TSHZ3: variants seen among roughly 807,000 people sequenced by gnomAD.
The protein encoded by TSHZ3 is teashirt homolog 3.
TSHZ3 carries 10 observed loss-of-function variants against 64.5 expected under a neutral mutation model. The observed-to-expected ratio is 0.16, with a 90% CI of 0.10 to 0.26. TSHZ3 has a LOEUF of 0.26. Ranked by LOEUF, TSHZ3 falls within the 10% of genes least tolerant of loss-of-function variation. The pLI, the probability that TSHZ3 is intolerant of heterozygous loss-of-function variation, is 1.00. For synonymous variants in TSHZ3, 608 were observed against 593.1 expected, an observed-to-expected ratio of 1.03 and a Z score of -0.36; for missense variants, 1,242 against 1,421.7, an observed-to-expected ratio of 0.87 and a Z score of 2.03.
At chr19:31,205,584 C>T (rs1050225134) in intron 4 of TSHZ3, among the ~76,000 whole-genome samples, 3 of 152,200 alleles carry the variant, frequency 2.0e-5, no homozygotes, top group African/African-American at 4.8e-5. Context: ...GGGCTGAGCC[C>T]GCTTCACCAG....
In TSHZ3 at chr19:31,339,264, G is replaced by T. The variant is rs1482235206; in HGVS notation, c.40+9916C>A. On this transcript the variant is annotated intron_variant, in intron 1 of 1. Coordinates refer to ENST00000240587, the MANE Select transcript of TSHZ3 (RefSeq NM_020856.4). ...GGGAAAAGAGAAAAGGAATGAGAAAGGGGGGAAAAAAAGTCAGAAGAGTGT... is the reference window on the plus strand; with the variant it reads ...GGGAAAAGAGAAAAGGAATGAGAAATGGGGGAAAAAAAGTCAGAAGAGTGT... Among the ~76,000 whole-genome samples, 3 of 151,866 alleles carry T rather than the reference G, an allele frequency of 2.0e-5. No homozygotes were observed. In the East Asian group the frequency reaches 5.8e-4, roughly 29 times the overall value.
chr19:31,180,755 A>G (rs1974699829), intron 5 of TSHZ3, among the ~76,000 whole-genome samples: 1 of 152,200 alleles, frequency 6.6e-6, no homozygotes, highest in Admixed American at 6.5e-5. Flanking sequence ...ACGCTTTGAC[A>G]GGATTTCTGT....
intron 1 of TSHZ3, among the ~76,000 whole-genome samples, chr19:31,325,907 T>A (rs1436378642): frequency 1.3e-5 from 2 of 152,210 alleles, no homozygotes; most frequent in African/African-American, 2.4e-5. Context: ...TATAAGATGA[T>A]GACTGAGATA....
At chr19:31,152,102 T>C (rs1475199006) in intron 6 of TSHZ3, among the ~76,000 whole-genome samples, 1 of 151,982 alleles carries the variant, frequency 6.6e-6, no homozygotes, top group Non-Finnish European at 1.5e-5. Flanking sequence ...CACTAGACAG[T>C]TCTACAGATG....
chr19:31,169,261 G>A (rs1449097573), intron 5 of TSHZ3, among the ~76,000 whole-genome samples: 1 of 152,204 alleles, frequency 6.6e-6, no homozygotes, highest in East Asian at 1.9e-4. Flanking sequence ...ATAACCATAT[G>A]ACCCAGCAAC....
intron 5 of TSHZ3, among the ~76,000 whole-genome samples, chr19:31,158,328 A>G (rs192506564): frequency 6.6e-6 from 1 of 152,330 alleles, no homozygotes; most frequent in Non-Finnish European, 1.5e-5. Flanking sequence ...GGTTAAAATG[A>G]TCATGTTTGG....
chr19:31,315,507 G>GC (rs1916575249), intron 1 of TSHZ3, among the ~76,000 whole-genome samples: 2 of 152,348 alleles, frequency 1.3e-5, no homozygotes, highest in South Asian at 4.1e-4. Flanking sequence ...CAGCAGTGGG[G>GC]CCCCTCCTGC....
intron 1 of TSHZ3, among the ~76,000 whole-genome samples, chr19:31,250,608 G>C (rs867133880): frequency 6.6e-6 from 1 of 152,158 alleles, no homozygotes; most frequent in Non-Finnish European, 1.5e-5. Context: ...AGTGGAATAC[G>C]CTAAGTATTT....
At position 31,276,798 on chromosome 19, in the gene TSHZ3, A is replaced by T. The variant is rs1052648580; in HGVS notation, c.2995T>A (p.Leu999Ile). ...GATAAGTCCCGTAGCCGGAAGCCTA[A>T]GTGTGACTCTAGGTGACTGATGTAC... ...STYISHLESH[L>I]GFRLRDLSKL... The change falls in exon 2 of 2, where the codon TTA becomes ATA. Residue 999 changes from leucine to isoleucine, a missense_variant. Coordinates refer to ENST00000240587, the MANE Select transcript of TSHZ3 (RefSeq NM_020856.4). The T allele has an allele frequency of 3.1e-6, 5 of 1,614,236 alleles. No homozygotes were observed. Among genetic ancestry groups the T allele is most frequent in the Non-Finnish European group, 4.2e-6 (5 of 1,180,050 alleles).
downstream of TSHZ3, among the ~76,000 whole-genome samples, chr19:31,271,877 TTTAAAG>T (rs773864342): frequency 2.0e-5 from 3 of 152,206 alleles, no homozygotes; most frequent in Non-Finnish European, 4.4e-5. Context: ...TAGCTATTAT[TTTAAAG>T]TTAAAGTATT....
intron 3 of TSHZ3, among the ~76,000 whole-genome samples, chr19:31,234,880 G>A (rs1975585386): frequency 1.3e-5 from 2 of 152,118 alleles, no homozygotes; most frequent in Admixed American, 1.3e-4. Flanking sequence ...AATAACATAT[G>A]TTAGGAAGCA....
chr19:31,219,739 C>A (rs890988471), intron 4 of TSHZ3, among the ~76,000 whole-genome samples: 2 of 150,388 alleles, frequency 1.3e-5, no homozygotes, highest in Admixed American at 1.3e-4. Context: ...GTTCTATTAG[C>A]TTATGAATCA....
chr19:31,265,614 G>A (rs1976045085), intron 1 of TSHZ3, among the ~76,000 whole-genome samples: 1 of 152,020 alleles, frequency 6.6e-6, no homozygotes, highest in Non-Finnish European at 1.5e-5. Context: ...GAGATGCACA[G>A]AGAATTACCT....
intron 1 of TSHZ3, among the ~76,000 whole-genome samples, chr19:31,338,395 A>T (rs943843232): frequency 9.2e-5 from 14 of 152,154 alleles, no homozygotes; most frequent in Non-Finnish European, 1.6e-4. Context: ...CACAAAGGGG[A>T]AGAGGCTGCT....
At chr19:31,197,887 C>T (rs1468591314) in intron 5 of TSHZ3, among the ~76,000 whole-genome samples, 1 of 151,858 alleles carries the variant, frequency 6.6e-6, no homozygotes, top group Non-Finnish European at 1.5e-5. Flanking sequence ...AAAATAATAC[C>T]AATTCTGTAG....
At chr19:31,170,386 G>A (rs547446103) in intron 5 of TSHZ3, among the ~76,000 whole-genome samples, 32 of 152,134 alleles carry the variant, frequency 2.1e-4, no homozygotes, top group African/African-American at 4.6e-4. Context: ...AAACCTAATC[G>A]CCTCACAAAG....
chr19:31,318,746 A>G (rs1434312079), intron 1 of TSHZ3, among the ~76,000 whole-genome samples: 1 of 152,240 alleles, frequency 6.6e-6, no homozygotes, highest in Admixed American at 6.5e-5. Context: ...ATCAACATGT[A>G]TAGCAATTAT....
At chr19:31,179,098 C>G (rs1006126768) in intron 5 of TSHZ3, among the ~76,000 whole-genome samples, 1 of 152,010 alleles carries the variant, frequency 6.6e-6, no homozygotes, top group Non-Finnish European at 1.5e-5. Flanking sequence ...CCAGGACACA[C>G]CCAAGGTTGA....
At chr19:31,239,974 T>C (rs1300234388) in intron 3 of TSHZ3, among the ~76,000 whole-genome samples, 1 of 152,226 alleles carries the variant, frequency 6.6e-6, no homozygotes. Flanking sequence ...GTATGGCGCT[T>C]TCAGTATTTT....
Sources: gnomAD v4.1 joint callset for allele counts (sites outside exome capture counted in the v4.1 genomes callset) on GRCh38, gnomAD v4.1.1 for gene constraint, MANE v1.5 for transcripts, NCBI Gene and HGNC (gene_info 2026-07-23, HGNC 2026-07-21) for gene names.